Variants in ARHGAP8 observed in about 807,000 individuals in gnomAD.
The protein encoded by ARHGAP8 is rho GTPase-activating protein 8.
ARHGAP8 carries 62 observed loss-of-function variants against 46.1 expected under a neutral mutation model. The ratio of observed to expected loss-of-function variants is 1.34; its 90% CI spans 1.10 to 1.66. The LOEUF (loss-of-function observed/expected upper bound fraction) is 1.66, where lower values mean the gene tolerates loss of function less well. Among genes scored for constraint, ARHGAP8 ranks in the 40% most tolerant of loss-of-function variants. The pLI is 0.00. For missense variants in ARHGAP8, 923 were observed against 568.4 expected (o/e 1.62, Z -6.34); for synonymous variants, 375 against 243.1 (o/e 1.54, Z -5.05).
rs375415792 is a variant in ARHGAP8 at position 44,825,533 on chromosome 22, C to G, written c.536C>G (p.Thr179Ser). ...CACGAGGGCCGGACGCCGCCTCCCA[C>G]CAAGACACCACCGCCGCGGCCCCCG... ...SLHEGRTPPPTKTPPPRPPLP... is the reference protein window; with the variant it reads ...SLHEGRTPPPSKTPPPRPPLP... Residue 179 changes from threonine to serine, a missense_variant, in exon 7 of 12, where the codon ACC (threonine) becomes AGC (serine). Thr to Ser is a moderately conservative substitution (Grantham distance 58, BLOSUM62 1). Coordinates refer to ENST00000356099, the MANE Select transcript of ARHGAP8 (RefSeq NM_181335.3). 7 of 1,613,636 alleles carry G rather than the reference C, an allele frequency of 4.3e-6. No individual in the cohort carries two copies. In the Middle Eastern group the frequency reaches 6.6e-4, roughly 152 times the overall value.
intron 5 of ARHGAP8, among the ~76,000 whole-genome samples, chr22:44,816,433 C>T (rs1227562923): frequency 6.6e-6 from 1 of 152,156 alleles, no homozygotes; most frequent in African/African-American, 2.4e-5. Context: ...CTGCCCCGTC[C>T]CACCCTTGTC....
Position 44,859,554 on chromosome 22 carries a change from C to T in ARHGAP8, c.878-177C>T, listed in dbSNP as rs1220664818. 4 of 634,614 alleles carry T rather than the reference C, an allele frequency of 6.3e-6. No individual in the cohort carries two copies. The East Asian group carries it at 1.1e-4, about 18-fold the overall frequency. 39.3% of individuals were successfully genotyped at this position (634,614 alleles called of 1,614,324 possible). Reference sequence around the variant, plus strand: ...CCATCTCAGCAAGAATAGCCAAACACACAGGTTTGCTGAGCAGAGCCATAC... The same window carrying T: ...CCATCTCAGCAAGAATAGCCAAACATACAGGTTTGCTGAGCAGAGCCATAC... On this transcript the variant is annotated intron_variant, in intron 10 of 11. Coordinates refer to ENST00000356099, the MANE Select transcript of ARHGAP8 (RefSeq NM_181335.3).
intron 7 of ARHGAP8, among the ~76,000 whole-genome samples, chr22:44,837,616 CAG>C (rs1316502326): frequency 6.6e-6 from 1 of 152,214 alleles, no homozygotes; most frequent in Non-Finnish European, 1.5e-5. Flanking sequence ...ATCTGCCAAC[CAG>C]AGTCCCCTGG....
intron 5 of ARHGAP8, among the ~76,000 whole-genome samples, chr22:44,815,007 T>G (rs1484152583): frequency 6.6e-6 from 1 of 152,164 alleles, no homozygotes; most frequent in East Asian, 1.9e-4. Context: ...CCCCTTTGCC[T>G]GAGCCCCCAC....
At chr22:44,792,596 G>T (rs531178259) in intron 2 of ARHGAP8, among the ~76,000 whole-genome samples, 1 of 152,172 alleles carries the variant, frequency 6.6e-6, no homozygotes, top group East Asian at 1.9e-4. Context: ...CGTCCTTCAG[G>T]TGTGACTAGA....
intron 7 of ARHGAP8, among the ~76,000 whole-genome samples, chr22:44,827,033 A>G (rs1930569451): frequency 6.6e-6 from 1 of 152,094 alleles, no homozygotes; most frequent in South Asian, 2.1e-4. Flanking sequence ...GCTTGGCAGA[A>G]ATGATTAAGT....
At chr22:44,798,040 G>C (rs1246098831) in intron 2 of ARHGAP8, among the ~76,000 whole-genome samples, 1 of 146,382 alleles carries the variant, frequency 6.8e-6, no homozygotes, top group Non-Finnish European at 1.5e-5. Context: ...GCATTGGTGT[G>C]ATCTCAGCTC....
At chr22:44,827,104 C>T (rs763933729) in intron 7 of ARHGAP8, among the ~76,000 whole-genome samples, 46 of 151,966 alleles carry the variant, frequency 3.0e-4, no homozygotes, top group Admixed American at 1.5e-3. Flanking sequence ...CAATCGCCAG[C>T]GTCTTTACAA....
chr22:44,813,755 A>C (rs1168724744), intron 4 of ARHGAP8, among the ~76,000 whole-genome samples: 1 of 150,444 alleles, frequency 6.6e-6, no homozygotes, highest in Non-Finnish European at 1.5e-5. Context: ...CTACATACAC[A>C]CCTATATACA....
At chr22:44,760,424 A>C (rs1925043419) in intron 1 of ARHGAP8, among the ~76,000 whole-genome samples, 1 of 152,130 alleles carries the variant, frequency 6.6e-6, no homozygotes, top group Admixed American at 6.5e-5. Context: ...GACTGTGTGC[A>C]AGCTTCTTTG....
intron 1 of ARHGAP8, among the ~76,000 whole-genome samples, chr22:44,785,481 C>T (rs1569143709): frequency 6.6e-6 from 1 of 152,100 alleles, no homozygotes; most frequent in Non-Finnish European, 1.5e-5. Context: ...TCTGTGACTC[C>T]GTCCTCACAC....
chr22:44,862,052 G>A (rs547275883), intron 11 of ARHGAP8, among the ~76,000 whole-genome samples: 3 of 152,340 alleles, frequency 2.0e-5, no homozygotes, highest in Admixed American at 6.5e-5. Context: ...GTCAGAGCCA[G>A]AGGGTCCTCC....
In ARHGAP8 at chr22:44,825,489, T is replaced by G; in HGVS notation, c.492T>G (p.Asp164Glu). Residue 164 changes from aspartate (D) to glutamate (E), a missense_variant, in exon 7 of 12, where the codon GAT becomes GAG. Coordinates refer to ENST00000356099, the MANE Select transcript of ARHGAP8 (RefSeq NM_181335.3). ...GCCTCTGTTGTGTCTACAGGTACGA[T>G]GAGAAGCTCCAGAGCCTGCACGAGG... ...LVIPPEVLRY[D>E]EKLQSLHEGR... 1 of 1,612,818 alleles carries G rather than the reference T, an allele frequency of 6.2e-7. No homozygotes were observed. Among genetic ancestry groups the G allele is most frequent in the Non-Finnish European group, 8.5e-7 (1 of 1,179,528 alleles).
intron 11 of ARHGAP8, 38 bp downstream of exon 11, chr22:44,859,872 T>C (rs756111360): frequency 4.4e-6 from 7 of 1,604,460 alleles, no homozygotes; most frequent in Middle Eastern, 1.7e-4. Flanking sequence ...TGAAGCCCAG[T>C]GGCCTTCCCT....
chr22:44,858,235 A>C (rs2070293461), intron 10 of ARHGAP8, among the ~76,000 whole-genome samples: 1 of 152,176 alleles, frequency 6.6e-6, no homozygotes, highest in African/African-American at 2.4e-5. Context: ...GCTCAGTGGG[A>C]GGGTGATTGG....
Position 44,802,091 on chromosome 22 carries a change from G to T in ARHGAP8, c.94G>T (p.Gly32Ter). Residue 32 changes from glycine (G) to a stop codon, truncating the protein, a stop_gained, in exon 3 of 12, where the codon GGA becomes TGA. Coordinates refer to ENST00000356099, the MANE Select transcript of ARHGAP8 (RefSeq NM_181335.3). LOFTEE classifies it high-confidence loss of function. ...TGCTCCTCCAGGGGATGACCGCTTT[G>T]GAAGACGTGTTGTCACGTTCAGCTG... is the stretch of plus-strand genomic sequence containing the variant. ...ILQVAGDDRF[G>*]RRVVTFSCCR... is the part of the protein sequence containing the mutation. The T allele has an allele frequency of 6.2e-7, 1 of 1,614,152 alleles. No individual in the cohort carries two copies. The highest frequency in any genetic ancestry group is 8.5e-7 in the Non-Finnish European group (1 of 1,179,980).
At chr22:44,787,892 A>G (rs572455532) in intron 2 of ARHGAP8, among the ~76,000 whole-genome samples, 1 of 147,404 alleles carries the variant, frequency 6.8e-6, no homozygotes, top group African/African-American at 2.5e-5. Context: ...CTTGACAGGC[A>G]CTCAGTCATT....
At chr22:44,800,273 T>G (rs1252705206) in intron 2 of ARHGAP8, among the ~76,000 whole-genome samples, 1 of 151,894 alleles carries the variant, frequency 6.6e-6, no homozygotes, top group African/African-American at 2.4e-5. Flanking sequence ...CTGGCTAATT[T>G]TTTTGTATTT....
chr22:44,767,226 C>T (rs1172799489), intron 1 of ARHGAP8, among the ~76,000 whole-genome samples: 1 of 152,152 alleles, frequency 6.6e-6, no homozygotes, highest in African/African-American at 2.4e-5. Context: ...CTCCCTCCTT[C>T]CCGCTTTCCC....
Sources: allele counts gnomAD v4.1 joint callset (sites outside exome capture counted in the v4.1 genomes callset), GRCh38; gene constraint gnomAD v4.1.1; transcripts MANE v1.5; gene names NCBI Gene and HGNC (gene_info 2026-07-23, HGNC 2026-07-21).